Variants in CDCA2 observed in about 807,000 individuals in gnomAD.
CDCA2 encodes the protein cell division cycle associated 2, also known as cell division cycle-associated protein 2.
In CDCA2, 44 loss-of-function variants were observed where a neutral mutation model predicts 67.0. The observed-to-expected ratio is 0.66, with a 90% CI of 0.52 to 0.84. The LOEUF is 0.84. Among genes scored for constraint, CDCA2 ranks in the 40% least tolerant of loss-of-function variants. The pLI is 0.00. For synonymous variants in CDCA2, 447 were observed against 418.7 expected, an observed-to-expected ratio of 1.07 and a Z score of -0.82; for missense variants, 1,253 against 1,203.2, an observed-to-expected ratio of 1.04 and a Z score of -0.61.
At chr8:25,504,037 CAAA>C (rs890554653) in intron 14 of CDCA2, among the ~76,000 whole-genome samples, 2 of 151,258 alleles carry the variant, frequency 1.3e-5, no homozygotes, top group Admixed American at 6.6e-5. Flanking sequence ...AAAAAAGGAA[CAAA>C]AAAAGTCAAT....
chr8:25,465,014 C>T (rs1015553056), intron 4 of CDCA2, among the ~76,000 whole-genome samples: 13 of 152,278 alleles, frequency 8.5e-5, no homozygotes, highest in African/African-American at 2.9e-4. Flanking sequence ...TGCTCTGTTA[C>T]GCAGCCTGAA....
chr8:25,469,947 C>A lies in CDCA2; in HGVS notation c.787C>A (p.Leu263Ile), dbSNP rs757737568. Residue 263 changes from leucine to isoleucine, a missense_variant, in exon 7 of 15, where the codon CTT (leucine) becomes ATT (isoleucine). Leu to Ile is a conservative substitution (Grantham distance 5, BLOSUM62 2). Transcript: ENST00000330560. ...GTCTGGATTTTTAGTTGAAGAGTCT[C>A]TTCCCCTTTCAGAGCTCACAGAGAC... ...TQSGFLVEES[L>I]PLSELTETSN... The A allele has an allele frequency of 6.2e-7, 1 of 1,611,838 alleles. No individual in the cohort carries two copies. Among genetic ancestry groups the A allele is most frequent in the Non-Finnish European group, 8.5e-7 (1 of 1,178,626 alleles).
chr8:25,507,185 G>T lies in CDCA2; in HGVS notation c.2519G>T (p.Arg840Leu), dbSNP rs972786057. Residue 840 changes from arginine to leucine, a missense_variant, in exon 15 of 15, where the codon CGA becomes CTA. Transcript: ENST00000330560. ...CGTTCCATGTGTTATTCTGATGGTC[G>T]AAGTTTACATTTGGAAAAAAATGGA... ...RRRSMCYSDG[R>L]SLHLEKNGNH... is the part of the protein sequence containing the mutation. The T allele has an allele frequency of 6.2e-7, 1 of 1,614,012 alleles. No individual in the cohort carries two copies. Among genetic ancestry groups the T allele is most frequent in the African/African-American group, 1.3e-5 (1 of 74,912 alleles).
chr8:25,466,114 C>A (rs1044498908), intron 4 of CDCA2, 61 bp from the exon 5 acceptor site: 9 of 1,486,372 alleles, frequency 6.1e-6, no homozygotes, highest in Non-Finnish European at 8.2e-6. Context: ...TGGCTGTAGG[C>A]CTAGAATATA....
At chr8:25,492,949 C>T (rs1452620630) in intron 13 of CDCA2, among the ~76,000 whole-genome samples, 1 of 152,098 alleles carries the variant, frequency 6.6e-6, no homozygotes, top group African/African-American at 2.4e-5. Context: ...GCCTCCAGTG[C>T]AATGCTGGGT....
intron 13 of CDCA2, among the ~76,000 whole-genome samples, chr8:25,496,906 T>G (rs991993618): frequency 6.6e-6 from 1 of 152,186 alleles, no homozygotes; most frequent in African/African-American, 2.4e-5. Context: ...AATTGCAGTT[T>G]GGGGCAAACA....
intron 13 of CDCA2, among the ~76,000 whole-genome samples, chr8:25,497,624 A>T (rs1464044879): frequency 1.3e-5 from 2 of 151,968 alleles, no homozygotes; most frequent in Non-Finnish European, 2.9e-5. Context: ...TTCAGTTAGG[A>T]TGAGTAAGTT....
intron 13 of CDCA2, among the ~76,000 whole-genome samples, chr8:25,493,424 T>C (rs948083822): frequency 1.3e-5 from 2 of 152,178 alleles, no homozygotes; most frequent in African/African-American, 2.4e-5. Context: ...ATTGGTGAAT[T>C]TGATATCTTT....
rs150909977 is a variant in CDCA2, at chr8:25,498,628, G to A, written c.1672-4745G>A. Reference sequence around the variant, plus strand: ...GTTTCCCCCAATTGTGACATCTTGCGAAACCATAGTTCAGGGTCGCAGCCA... The same window carrying A: ...GTTTCCCCCAATTGTGACATCTTGCAAAACCATAGTTCAGGGTCGCAGCCA... On this transcript the variant is annotated intron_variant, in intron 13 of 14. Transcript: ENST00000330560. Among the ~76,000 whole-genome samples, 535 of 152,048 alleles carry A rather than the reference G, an allele frequency of 3.5e-3. 2 individuals carry two copies. Among genetic ancestry groups the A allele is most frequent in the African/African-American group, 0.012 (502 of 41,466 alleles).
intron 7 of CDCA2, among the ~76,000 whole-genome samples, chr8:25,475,894 C>T (rs747199814): frequency 1.1e-4 from 16 of 152,294 alleles, no homozygotes; most frequent in Middle Eastern, 3.4e-3. Flanking sequence ...CCAGTGTTTC[C>T]TGGGGGACAA....
intron 13 of CDCA2, among the ~76,000 whole-genome samples, chr8:25,495,648 C>T (rs1027837240): frequency 6.6e-6 from 1 of 152,128 alleles, no homozygotes; most frequent in Admixed American, 6.5e-5. Context: ...TCTCGATCTG[C>T]TGACCTCGTG....
chr8:25,495,082 C>T (rs1650363890), intron 13 of CDCA2, among the ~76,000 whole-genome samples: 1 of 152,126 alleles, frequency 6.6e-6, no homozygotes, highest in Non-Finnish European at 1.5e-5. Context: ...TAATACATTA[C>T]CCTTTGTCTA....
chr8:25,460,433 G>C lies in CDCA2; in HGVS notation c.111G>C (p.Lys37Asn), dbSNP rs1411382342. 6.2e-7 allele frequency: 1 copy of C among 1,614,136 alleles called. No individual in the cohort carries two copies. The highest frequency in any genetic ancestry group is 1.1e-5 in the South Asian group (1 of 91,084). ...LGTGKIVTPQ[K>N]HAELPPNPCT... is the part of the protein sequence containing the mutation. ...CTGGGAAGATTGTGACTCCTCAGAA[G>C]CATGCCGAATTACCTCCTAATCCTT... is the stretch of plus-strand genomic sequence containing the variant. The change falls in exon 3 of 15, where the codon AAG (lysine) becomes AAC (asparagine). Residue 37 changes from lysine to asparagine, a missense_variant. Physicochemically the swap from Lys to Asn is moderately conservative, Grantham distance 94. Transcript: ENST00000330560.
At chr8:25,499,352 G>A (rs1252979705) in intron 13 of CDCA2, among the ~76,000 whole-genome samples, 1 of 138,132 alleles carries the variant, frequency 7.2e-6, no homozygotes, top group Non-Finnish European at 1.5e-5. Flanking sequence ...TCACCCAGGT[G>A]GAGTGCAGTG....
chr8:25,463,170 T>A (rs1390442658), intron 4 of CDCA2, among the ~76,000 whole-genome samples: 2 of 152,226 alleles, frequency 1.3e-5, no homozygotes, highest in African/African-American at 4.8e-5. Context: ...GGCAAGGGTC[T>A]CCTGGACAAA....
chr8:25,477,197 T>C (rs1184876597), intron 7 of CDCA2, among the ~76,000 whole-genome samples: 2 of 152,182 alleles, frequency 1.3e-5, no homozygotes, highest in African/African-American at 2.4e-5. Context: ...CCTTGATGTC[T>C]TAGCAGCACT....
chr8:25,480,992 C>T (rs1803545808), intron 8 of CDCA2, among the ~76,000 whole-genome samples: 1 of 152,074 alleles, frequency 6.6e-6, no homozygotes, highest in South Asian at 2.1e-4. Flanking sequence ...AAACCATAAG[C>T]ATTTTAACAT....
At position 25,507,000 on chromosome 8, in the gene CDCA2, A is replaced by C. The variant is rs148167423; in HGVS notation, c.2334A>C (p.Gln778His). ...TAGGAGCTGCAGAAGGAAAACTGCA[A>C]TGCAATCGTTTAATGCCTAATTCAC... Reference protein sequence around the residue: ...DFLGAAEGKLQCNRLMPNSQK... With the variant: ...DFLGAAEGKLHCNRLMPNSQK... The change falls in exon 15 of 15, where the codon CAA (glutamine) becomes CAC (histidine). Residue 778 changes from glutamine to histidine, a missense_variant. Physicochemically the swap from Gln to His is conservative, Grantham distance 24. Transcript: ENST00000330560. 6.2e-7 allele frequency: 1 copy of C among 1,614,192 alleles called. No individual in the cohort carries two copies. The highest frequency in any genetic ancestry group is 1.3e-5 in the African/African-American group (1 of 75,070).
chr8:25,465,692 T>C (rs889371413), intron 4 of CDCA2, among the ~76,000 whole-genome samples: 1 of 152,106 alleles, frequency 6.6e-6, no homozygotes, highest in Non-Finnish European at 1.5e-5. Context: ...AGTGCAAGTG[T>C]AGTATCTGAG....
Sources: gnomAD v4.1 joint callset for allele counts (sites outside exome capture counted in the v4.1 genomes callset) on GRCh38, gnomAD v4.1.1 for gene constraint, MANE v1.5 for transcripts, NCBI Gene and HGNC (gene_info 2026-07-23, HGNC 2026-07-21) for gene names.